MRPL45: variants seen among roughly 807,000 people sequenced by gnomAD.
The protein encoded by MRPL45 is large ribosomal subunit protein mL45.
In MRPL45, 20 loss-of-function variants were observed where a neutral mutation model predicts 38.1. The ratio of observed to expected loss-of-function variants is 0.53; its 90% CI spans 0.37 to 0.76. The LOEUF (loss-of-function observed/expected upper bound fraction) is 0.76. MRPL45 is among the 30% of genes least tolerant of loss of function. The probability of loss-of-function intolerance (pLI) is 0.00; values close to 1 mark genes in which losing one functional copy is unlikely to be tolerated. For missense variants in MRPL45, 337 were observed against 395.6 expected, an observed-to-expected ratio of 0.85 and a Z score of 1.26; for synonymous variants, 105 against 128.8, an observed-to-expected ratio of 0.82 and a Z score of 1.25.
chr17:38,313,352 A>ATATATATACATATATATATACG (rs2037142064), intron 4 of MRPL45, among the ~76,000 whole-genome samples: 1 of 18,422 alleles, frequency 5.4e-5, no homozygotes, highest in African/African-American at 2.4e-4. Flanking sequence ...ATATACGTAT[A>ATATATATACATATATATATACG]TATATATATA....
At position 38,320,855 on chromosome 17, in the gene MRPL45, G is replaced by A; in HGVS notation, c.660+88G>A. 3.1e-6 allele frequency: 4 copies of A among 1,283,108 alleles called. No individual in the cohort carries two copies. The South Asian group carries it at 3.7e-5, about 12-fold the overall frequency. 79.5% of individuals were successfully genotyped at this position (1,283,108 alleles called of 1,614,324 possible). Reference sequence around the variant, plus strand: ...TGGAGTGCTGGGTATGGTTGCCCAGGACTGTAGACAGTAATAAAAGGTACA... The same window carrying A: ...TGGAGTGCTGGGTATGGTTGCCCAGAACTGTAGACAGTAATAAAAGGTACA... On this transcript the variant is annotated intron_variant, in intron 6 of 7. Transcript: ENST00000613675.
intron 3 of MRPL45, among the ~76,000 whole-genome samples, chr17:38,305,340 G>A (rs922439022): frequency 2.1e-5 from 3 of 143,292 alleles, no homozygotes; most frequent in African/African-American, 7.5e-5. Context: ...GGTGATGTGT[G>A]CCTGTAGTCC....
intron 4 of MRPL45, among the ~76,000 whole-genome samples, chr17:38,306,876 G>C (rs933390782): frequency 3.3e-5 from 5 of 152,120 alleles, no homozygotes; most frequent in Non-Finnish European, 5.9e-5. Context: ...CAAGTGTTGG[G>C]ACCTTGTGCC....
At chr17:38,303,124 T>C (rs1272337825) in intron 3 of MRPL45, among the ~76,000 whole-genome samples, 1 of 152,138 alleles carries the variant, frequency 6.6e-6, no homozygotes, top group Non-Finnish European at 1.5e-5. Context: ...TATATTGTTA[T>C]AACTTGGAAA....
chr17:38,311,134 T>C (rs2037107732), intron 4 of MRPL45, among the ~76,000 whole-genome samples: 1 of 152,162 alleles, frequency 6.6e-6, no homozygotes, highest in Admixed American at 6.6e-5. Context: ...ATTTTGTTCA[T>C]CTCAGACAGG....
intron 4 of MRPL45, among the ~76,000 whole-genome samples, chr17:38,309,611 A>AT: frequency 2.9e-5 from 1 of 34,752 alleles, no homozygotes; most frequent in Non-Finnish European, 9.8e-5. Context: ...GTCTTCTTAA[A>AT]TTTTTATTTT....
intron 3 of MRPL45, among the ~76,000 whole-genome samples, chr17:38,305,341 C>T (rs1280812086): frequency 7.0e-6 from 1 of 143,288 alleles, no homozygotes; most frequent in Non-Finnish European, 1.5e-5. Flanking sequence ...GTGATGTGTG[C>T]CTGTAGTCCC....
At chr17:38,321,801 C>G (rs552435106) in intron 6 of MRPL45, among the ~76,000 whole-genome samples, 1 of 152,000 alleles carries the variant, frequency 6.6e-6, no homozygotes, top group African/African-American at 2.4e-5. Flanking sequence ...GAGGCCGAAG[C>G]GGGTGGATCA....
chr17:38,319,613 G>A (rs1001071301), intron 5 of MRPL45, among the ~76,000 whole-genome samples: 1 of 152,164 alleles, frequency 6.6e-6, no homozygotes, highest in African/African-American at 2.4e-5. Context: ...CCCTCAACAA[G>A]CAGTAATGAC....
In MRPL45 at chr17:38,306,516, C is replaced by G. The variant is rs529307477; in HGVS notation, c.363-17C>G. On this transcript the variant is annotated splice_polypyrimidine_tract_variant and intron_variant, in intron 3 of 7. Coordinates refer to ENST00000613675, the MANE Select transcript of MRPL45 (RefSeq NM_032351.6). ...TTGTAAGACCTTTAGAAGTAATACTCAGGCTTAATTTTACAGAATCCGGAG... is the reference window on the plus strand; with the variant it reads ...TTGTAAGACCTTTAGAAGTAATACTGAGGCTTAATTTTACAGAATCCGGAG... 1 of 1,583,996 alleles carries G rather than the reference C, an allele frequency of 6.3e-7. No homozygotes were observed. Among genetic ancestry groups the G allele is most frequent in the South Asian group, 1.1e-5 (1 of 87,546 alleles).
In MRPL45 at chr17:38,318,822, C is replaced by CTTTT. The variant is rs1454412319; in HGVS notation, c.510+88_510+91dup. 4.5e-5 allele frequency: 26 copies of CTTTT among 578,174 alleles called. 1 individual carries two copies. Among genetic ancestry groups the CTTTT allele is most frequent in the African/African-American group, 3.8e-4 (15 of 39,388 alleles). 35.8% of individuals were successfully genotyped at this position (578,174 alleles called of 1,614,324 possible). On this transcript the variant is annotated intron_variant, in intron 5 of 7. Coordinates refer to ENST00000613675, the MANE Select transcript of MRPL45 (RefSeq NM_032351.6). ...TCTGGTTTTTCTTTTCTTTTCTTTT[C>CTTTT]TTTTCTTTTTTTTTTTTTTTTTGAG...
chr17:38,320,786 C>G lies in MRPL45; in HGVS notation c.660+19C>G. 1 of 1,612,742 alleles carries G rather than the reference C, an allele frequency of 6.2e-7. No homozygotes were observed. The highest frequency in any genetic ancestry group is 8.5e-7 in the Non-Finnish European group (1 of 1,179,610). On this transcript the variant is annotated intron_variant, in intron 6 of 7. Coordinates refer to ENST00000613675, the MANE Select transcript of MRPL45 (RefSeq NM_032351.6). ...CCGGCAGGTAGAGGCACTCGTCTGC[C>G]TTCCTCCCAGCTTTTTTTCACTCTG...
Position 38,298,529 on chromosome 17 carries a change from A to C in MRPL45, c.147A>C (p.Lys49Asn). The part of the protein sequence containing the change: ...KRFTPPIYQP[K>N]FKTEKEFMQH... Reference sequence around the variant, plus strand: ...TCACACCTCCTATTTATCAACCTAAATTTAAAACAGAAAAGGAGTTTATGC... The same window carrying C: ...TCACACCTCCTATTTATCAACCTAACTTTAAAACAGAAAAGGAGTTTATGC... The change falls in exon 2 of 8, where the codon AAA (lysine) becomes AAC (asparagine). Residue 49 changes from lysine (K) to asparagine (N), a missense_variant. Coordinates refer to ENST00000613675, the MANE Select transcript of MRPL45 (RefSeq NM_032351.6). 6.2e-7 allele frequency: 1 copy of C among 1,613,924 alleles called. No individual in the cohort carries two copies. Among genetic ancestry groups the C allele is most frequent in the Non-Finnish European group, 8.5e-7 (1 of 1,179,854 alleles).
At chr17:38,306,236 C>T (rs1364614666) in intron 3 of MRPL45, among the ~76,000 whole-genome samples, 1 of 151,590 alleles carries the variant, frequency 6.6e-6, no homozygotes, top group Admixed American at 6.6e-5. Context: ...GGTGAAACCC[C>T]GTCTCTACTA....
intron 5 of MRPL45, among the ~76,000 whole-genome samples, 184 bp downstream of exon 5, chr17:38,318,919 C>T (rs184196134): frequency 1.3e-5 from 2 of 151,272 alleles, no homozygotes; most frequent in Admixed American, 1.3e-4. Flanking sequence ...CCTCCACCTC[C>T]CAGGTTCAAG....
chr17:38,302,659 G>A (rs1329136175), intron 3 of MRPL45, among the ~76,000 whole-genome samples: 1 of 151,808 alleles, frequency 6.6e-6, no homozygotes, highest in Non-Finnish European at 1.5e-5. Context: ...TGTGTCTATT[G>A]AGATGATCAT....
intron 3 of MRPL45, among the ~76,000 whole-genome samples, chr17:38,305,536 T>A (rs2037044511): frequency 6.7e-6 from 1 of 149,584 alleles, no homozygotes; most frequent in African/African-American, 2.4e-5. Context: ...TCGCTCTGTT[T>A]CCCAGGCTGG....
chr17:38,313,494 C>T (rs572748904), intron 4 of MRPL45, among the ~76,000 whole-genome samples: 33 of 147,736 alleles, frequency 2.2e-4, no homozygotes, highest in Non-Finnish European at 4.2e-4. Context: ...AATGCTAGGA[C>T]TACAGGTGTG....
intron 5 of MRPL45, among the ~76,000 whole-genome samples, chr17:38,319,558 G>A (rs2037210175): frequency 6.6e-6 from 1 of 152,132 alleles, no homozygotes; most frequent in African/African-American, 2.4e-5. Flanking sequence ...GAATGACAAT[G>A]TCTTGACACA....
Sources: gnomAD v4.1 joint callset for allele counts (sites outside exome capture counted in the v4.1 genomes callset) on GRCh38, gnomAD v4.1.1 for gene constraint, MANE v1.5 for transcripts, NCBI Gene and HGNC (gene_info 2026-07-23, HGNC 2026-07-21) for gene names.